The following PAIP2 variants were observed in gnomAD, a reference collection of about 807,000 sequenced individuals.
The protein encoded by PAIP2 is polyadenylate-binding protein-interacting protein 2.
PAIP2 carries 7 observed loss-of-function variants against 14.8 expected under a neutral mutation model. That is an observed-to-expected ratio of 0.47 (90% CI 0.27 to 0.89). PAIP2 has a LOEUF of 0.89. Among genes scored for constraint, PAIP2 ranks in the 40% least tolerant of loss-of-function variants. PAIP2 has a pLI of 0.13. For synonymous variants in PAIP2, 47 were observed against 45.3 expected (o/e 1.04, Z -0.15); for missense variants, 122 against 154.7 (o/e 0.79, Z 1.12).
chr5:139,343,717 T>G (rs1013051048), intron 1 of PAIP2, among the ~76,000 whole-genome samples: 4 of 148,714 alleles, frequency 2.7e-5, no homozygotes, highest in African/African-American at 5.0e-5. Context: ...AGTTTTTTTT[T>G]TTTTTTTTTT....
At chr5:139,351,229 T>C (rs1441495806) in intron 1 of PAIP2, among the ~76,000 whole-genome samples, 2 of 152,158 alleles carry the variant, frequency 1.3e-5, no homozygotes, top group African/African-American at 4.8e-5. Context: ...TGTCATCTCT[T>C]ACAGTTAAAA....
chr5:139,349,928 G>A (rs1450298623), intron 1 of PAIP2, among the ~76,000 whole-genome samples: 1 of 152,078 alleles, frequency 6.6e-6, no homozygotes, highest in African/African-American at 2.4e-5. Context: ...CTTGAACGCG[G>A]GAGGCAGAGG....
chr5:139,345,785 G>A (rs141213287), intron 1 of PAIP2, among the ~76,000 whole-genome samples: 32 of 151,910 alleles, frequency 2.1e-4, no homozygotes, highest in African/African-American at 2.9e-4. Flanking sequence ...TTGCCACCAT[G>A]CCTGGCTAAT....
chr5:139,366,181 C>T (rs1298315413), intron 3 of PAIP2, among the ~76,000 whole-genome samples: 5 of 123,190 alleles, frequency 4.1e-5, no homozygotes, highest in South Asian at 5.3e-4. Flanking sequence ...CTAGCCTGGG[C>T]GACAGAGTGA....
rs1757499645 is a variant in PAIP2 at position 139,369,261 on chromosome 5, T to C, written c.*463T>C. On this transcript the variant is annotated 3_prime_UTR_variant, in exon 4 of 4. Coordinates refer to ENST00000265192, the MANE Select transcript of PAIP2 (RefSeq NM_016480.5). The stretch of plus-strand genomic sequence containing the variant: ...GTCTGTTAGTTAATTTGAGATAATT[T>C]GTTAAAGGCAAGTATGTCATATTAC... The C allele has an allele frequency of 6.5e-6, 1 of 153,364 alleles. No individual in the cohort carries two copies. The highest frequency in any genetic ancestry group is 1.5e-5 in the Non-Finnish European group (1 of 68,574). 9.5% of individuals were successfully genotyped at this position (153,364 alleles called of 1,614,324 possible).
chr5:139,364,985 A>G, intron 3 of PAIP2: 1 of 248,348 alleles, frequency 4.0e-6, no homozygotes, highest in Non-Finnish European at 7.7e-6. Context: ...TCTCTACTAA[A>G]AATAAAAAAT....
chr5:139,344,065 T>C (rs566775287), intron 1 of PAIP2, among the ~76,000 whole-genome samples: 1 of 152,326 alleles, frequency 6.6e-6, no homozygotes, highest in East Asian at 1.9e-4. Flanking sequence ...TATATAACAA[T>C]AATGCCAGGC....
chr5:139,363,969 A>G, intron 2 of PAIP2, 47 bp downstream of exon 2: 1 of 1,530,624 alleles, frequency 6.5e-7, no homozygotes, highest in Non-Finnish European at 9.0e-7. Context: ...TCTGGCCCTC[A>G]ATATGATTGT....
intron 1 of PAIP2, among the ~76,000 whole-genome samples, chr5:139,350,544 G>A (rs539412786): frequency 5.5e-4 from 83 of 151,670 alleles, no homozygotes; most frequent in African/African-American, 2.0e-3. Context: ...GACAGGAAAA[G>A]CACTTAAACT....
At chr5:139,349,847 C>A (rs906853186) in intron 1 of PAIP2, among the ~76,000 whole-genome samples, 3 of 151,880 alleles carry the variant, frequency 2.0e-5, no homozygotes, top group African/African-American at 7.3e-5. Context: ...ACTAAAAATA[C>A]AAAAGTTAGC....
Position 139,351,798 on chromosome 5 carries a change from A to G in PAIP2, c.-27+9818A>G, listed in dbSNP as rs180929308. Among the ~76,000 whole-genome samples, 286 of 152,124 alleles carry G rather than the reference A, an allele frequency of 1.9e-3. 1 individual carries two copies. Among genetic ancestry groups the G allele is most frequent in the African/African-American group, 6.6e-3 (274 of 41,516 alleles). ...CTCAGCTTTCCAAGTAATTGGGTCTACAGGTGAACACCACCATGCCCAGCT... is the reference window on the plus strand; with the variant it reads ...CTCAGCTTTCCAAGTAATTGGGTCTGCAGGTGAACACCACCATGCCCAGCT... On this transcript the variant is annotated intron_variant, in intron 1 of 3. Transcript: ENST00000265192.
intron 1 of PAIP2, among the ~76,000 whole-genome samples, chr5:139,362,792 C>T (rs746009619): frequency 2.6e-5 from 4 of 151,876 alleles, no homozygotes; most frequent in South Asian, 2.1e-4. Context: ...CACCTGCCCC[C>T]GCCTCCCAAA....
intron 1 of PAIP2, among the ~76,000 whole-genome samples, chr5:139,354,310 C>T (rs535471880): frequency 2.3e-4 from 35 of 152,106 alleles, no homozygotes; most frequent in South Asian, 6.2e-4. Context: ...ATTCTTAGTT[C>T]GATTTTTTTT....
At position 139,344,169 on chromosome 5, in the gene PAIP2, C is replaced by T. The variant is rs555418638; in HGVS notation, c.-27+2189C>T. ...TGTAAAATGAAGATAACAAATGAGA[C>T]GTGAAGTAACTTTCCCAATGTCACA... On this transcript the variant is annotated intron_variant, in intron 1 of 3. Transcript: ENST00000265192. 1.8e-4 allele frequency among the ~76,000 whole-genome samples: 27 copies of T among 152,222 alleles called. No homozygotes were observed. The South Asian group carries it at 5.0e-3, about 28-fold the overall frequency.
In PAIP2 at chr5:139,352,502, G is replaced by GTTTTTTTTTTT. The variant is rs536704901; in HGVS notation, c.-27+10524_-27+10534dup. ...AATTCCTGCCAGTTTTTTTTTTGTT[G>GTTTTTTTTTTT]TTTTTTTTTTTTGAGATGGAGTTTC... is the stretch of plus-strand genomic sequence containing the variant. On this transcript the variant is annotated intron_variant, in intron 1 of 3. Coordinates refer to ENST00000265192, the MANE Select transcript of PAIP2 (RefSeq NM_016480.5). 3.3e-4 allele frequency among the ~76,000 whole-genome samples: 25 copies of GTTTTTTTTTTT among 76,156 alleles called. 3 individuals carry two copies. The highest frequency in any genetic ancestry group is 6.1e-4 in the Admixed American group (4 of 6,534). 50.0% of individuals were successfully genotyped at this position (76,156 alleles called of 152,430 possible).
intron 1 of PAIP2, among the ~76,000 whole-genome samples, chr5:139,350,852 G>T (rs1324316471): frequency 6.6e-6 from 1 of 152,024 alleles, no homozygotes; most frequent in Non-Finnish European, 1.5e-5. Flanking sequence ...TCTCAGAATA[G>T]ATTCAGACAA....
chr5:139,345,967 A>G (rs1382611646), intron 1 of PAIP2, among the ~76,000 whole-genome samples: 1 of 152,108 alleles, frequency 6.6e-6, no homozygotes, highest in African/African-American at 2.4e-5. Flanking sequence ...AGATGAAACT[A>G]GTGGAGAAAG....
chr5:139,360,645 A>G (rs1757041747), intron 1 of PAIP2, among the ~76,000 whole-genome samples: 1 of 151,976 alleles, frequency 6.6e-6, no homozygotes, highest in Non-Finnish European at 1.5e-5. Context: ...GGCGTGCACC[A>G]CTGTACCCAG....
intron 1 of PAIP2, chr5:139,342,472 C>G (rs1166883063): frequency 6.6e-6 from 1 of 152,112 alleles, no homozygotes; most frequent in Non-Finnish European, 1.5e-5. Flanking sequence ...GGCGGAGGGA[C>G]TGGCGGGCTC....
Sources: allele counts gnomAD v4.1 joint callset (sites outside exome capture counted in the v4.1 genomes callset), GRCh38; gene constraint gnomAD v4.1.1; transcripts MANE v1.5; gene names NCBI Gene and HGNC (gene_info 2026-07-23, HGNC 2026-07-21).